SLAIN2: variants seen among roughly 807,000 people sequenced by gnomAD.
SLAIN2 encodes SLAIN family member 2, also known as SLAIN motif-containing protein 2.
Under a neutral mutation model 56.6 loss-of-function variants are expected in SLAIN2, and 31 were observed. The ratio of observed to expected loss-of-function variants is 0.55; its 90% CI spans 0.41 to 0.74. SLAIN2 has a LOEUF of 0.74. SLAIN2 is among the 30% of genes least tolerant of loss of function. The pLI, the probability that SLAIN2 is intolerant of heterozygous loss-of-function variation, is 0.00. For missense variants in SLAIN2, 777 were observed against 754.2 expected (o/e 1.03, Z -0.35); for synonymous variants, 317 against 284.9 (o/e 1.11, Z -1.13).
At chr4:48,403,080 C>A (rs927133606) in intron 6 of SLAIN2, among the ~76,000 whole-genome samples, 1 of 152,192 alleles carries the variant, frequency 6.6e-6, no homozygotes, top group Non-Finnish European at 1.5e-5. Context: ...GGCAGCCTGT[C>A]CCTTCCTCTG....
intron 6 of SLAIN2, among the ~76,000 whole-genome samples, chr4:48,395,810 C>CTTTTTTTTTTTTTTTTTTTTTTTTTTTT (rs10649464): frequency 1.4e-5 from 1 of 72,792 alleles, no homozygotes; most frequent in African/African-American, 6.8e-5. Flanking sequence ...GAACCTTAGG[C>CTTTTTTTTTTTTTTTTTTTTTTTTTTTT]TTTTTTTTTT....
At chr4:48,386,187 T>A (rs1716095374) in intron 6 of SLAIN2, among the ~76,000 whole-genome samples, 1 of 152,024 alleles carries the variant, frequency 6.6e-6, no homozygotes, top group African/African-American at 2.4e-5. Context: ...AAGGTGCATA[T>A]GATATTACTT....
chr4:48,377,915 A>G lies in SLAIN2; in HGVS notation c.558A>G (p.Leu186=), dbSNP rs1417617228. Residue 186 remains leucine (L), a synonymous_variant, in exon 3 of 8, where the codon TTA becomes TTG. Coordinates refer to ENST00000264313, the MANE Select transcript of SLAIN2 (RefSeq NM_020846.2). Reference sequence around the variant, plus strand: ...ATGCAGCTCTCAAGAGGCAGAATTTATATAATAATCCTTTCAACTCTATGA... The same window carrying G: ...ATGCAGCTCTCAAGAGGCAGAATTTGTATAATAATCCTTTCAACTCTATGA... ...QTMSALKRQN[L]YNNPFNSMSY... is the part of the protein sequence containing the mutation. 3.1e-6 allele frequency: 5 copies of G among 1,613,430 alleles called. No homozygotes were observed. The highest frequency in any genetic ancestry group is 2.7e-5 in the African/African-American group (2 of 74,910).
At chr4:48,387,614 T>C (rs1316634152) in intron 6 of SLAIN2, 2 of 152,020 alleles carry the variant, frequency 1.3e-5, no homozygotes, top group Admixed American at 1.3e-4. Flanking sequence ...ATGTCACATA[T>C]TTATTTTGGT....
Position 48,341,642 on chromosome 4 carries a change from G to T in SLAIN2, c.-98G>T. ...GGTCCTGCTATATGCCGGCGCCTCG[G>T]CTAGAGTGAGCGGCGGCGACGCCTC... On this transcript the variant is annotated 5_prime_UTR_variant, in exon 1 of 8. Coordinates refer to ENST00000264313, the MANE Select transcript of SLAIN2 (RefSeq NM_020846.2). 2 of 1,466,846 alleles carry T rather than the reference G, an allele frequency of 1.4e-6. No homozygotes were observed. 90.9% of individuals were successfully genotyped at this position (1,466,846 alleles called of 1,614,324 possible). A position where few individuals can be genotyped will look rare whatever the true frequency, so the allele number is the denominator to read the frequency against.
intron 2 of SLAIN2, among the ~76,000 whole-genome samples, chr4:48,370,325 A>G (rs1475054771): frequency 6.6e-6 from 1 of 152,218 alleles, no homozygotes; most frequent in East Asian, 1.9e-4. Flanking sequence ...AAATCCTCTC[A>G]CATTCCACTC....
intron 2 of SLAIN2, among the ~76,000 whole-genome samples, chr4:48,377,357 T>G (rs1057391327): frequency 6.7e-6 from 1 of 148,568 alleles, no homozygotes; most frequent in African/African-American, 2.5e-5. Context: ...TTTTTTTTTT[T>G]AAGTAGAGAC....
intron 2 of SLAIN2, among the ~76,000 whole-genome samples, chr4:48,376,543 C>T (rs1715816390): frequency 6.7e-6 from 1 of 149,450 alleles, no homozygotes; most frequent in Admixed American, 6.7e-5. Context: ...CTTAGTCCTA[C>T]TGTTGTACTA....
intron 2 of SLAIN2, among the ~76,000 whole-genome samples, chr4:48,372,874 T>C (rs1055042755): frequency 5.3e-5 from 8 of 152,170 alleles, no homozygotes; most frequent in African/African-American, 1.9e-4. Flanking sequence ...ATCCCCCATT[T>C]CCCAAGGAGA....
intron 6 of SLAIN2, among the ~76,000 whole-genome samples, chr4:48,388,769 A>G (rs1186694991): frequency 6.6e-6 from 1 of 152,270 alleles, no homozygotes; most frequent in Admixed American, 6.5e-5. Flanking sequence ...CTGTCAGACC[A>G]TGATTTGAGA....
At chr4:48,360,839 A>G (rs187418688) in intron 1 of SLAIN2, among the ~76,000 whole-genome samples, 95 of 152,280 alleles carry the variant, frequency 6.2e-4, no homozygotes, top group African/African-American at 2.1e-3. Context: ...TATTCTAGAC[A>G]TTCCATATCA....
chr4:48,354,027 T>A (rs1005073652), intron 1 of SLAIN2, among the ~76,000 whole-genome samples: 2 of 152,154 alleles, frequency 1.3e-5, no homozygotes, highest in African/African-American at 2.4e-5. Context: ...AGAAGCAGTT[T>A]AGAGCTCTGT....
chr4:48,379,970 A>G, intron 4 of SLAIN2, 122 bp downstream of exon 4: 1 of 902,778 alleles, frequency 1.1e-6, no homozygotes, highest in Non-Finnish European at 1.6e-6. Context: ...GTTGCAGTGG[A>G]CATTTCAGAG....
At chr4:48,414,624 T>C (rs1716951508) in intron 6 of SLAIN2, among the ~76,000 whole-genome samples, 2 of 139,234 alleles carry the variant, frequency 1.4e-5, no homozygotes, top group South Asian at 2.5e-4. Context: ...TAGTTACATA[T>C]GTATACATGT....
chr4:48,411,950 A>G (rs1716858110), intron 6 of SLAIN2, among the ~76,000 whole-genome samples: 2 of 152,086 alleles, frequency 1.3e-5, no homozygotes, highest in Non-Finnish European at 1.5e-5. Flanking sequence ...TATTGTAGCT[A>G]TTGTAAATGG....
At chr4:48,347,538 C>T (rs139154373) in intron 1 of SLAIN2, among the ~76,000 whole-genome samples, 5 of 152,314 alleles carry the variant, frequency 3.3e-5, no homozygotes, top group African/African-American at 9.6e-5. Flanking sequence ...CGTGAGCCAT[C>T]GTGCTCAGCT....
chr4:48,343,036 G>A (rs575271294), intron 1 of SLAIN2, among the ~76,000 whole-genome samples: 2 of 152,216 alleles, frequency 1.3e-5, no homozygotes, highest in African/African-American at 4.8e-5. Flanking sequence ...GCAATTATTT[G>A]TCTTAATTCA....
At chr4:48,414,203 G>A (rs1371763255) in intron 6 of SLAIN2, among the ~76,000 whole-genome samples, 1 of 152,128 alleles carries the variant, frequency 6.6e-6, no homozygotes, top group African/African-American at 2.4e-5. Flanking sequence ...TTCAAAAAGA[G>A]TAAAGAGAAA....
At position 48,341,775 on chromosome 4, in the gene SLAIN2, G is replaced by C. The variant is rs1171997214; in HGVS notation, c.36G>C (p.Gln12His). 6.5e-7 allele frequency: 1 copy of C among 1,530,818 alleles called. No homozygotes were observed. Among genetic ancestry groups the C allele is most frequent in the Non-Finnish European group, 8.8e-7 (1 of 1,138,848 alleles). 94.8% of individuals were successfully genotyped at this position (1,530,818 alleles called of 1,614,324 possible). A position where few individuals can be genotyped will look rare whatever the true frequency, so the allele number is the denominator to read the frequency against. The change falls in exon 1 of 8, where the codon CAG becomes CAC. Residue 12 changes from glutamine to histidine, a missense_variant. Coordinates refer to ENST00000264313, the MANE Select transcript of SLAIN2 (RefSeq NM_020846.2). ...EDVNSNVNAD[Q>H]EVRKLQELVK... ...TTAACTCCAACGTGAACGCGGACCAGGAGGTGCGGAAGCTGCAGGAGCTGG... is the reference window on the plus strand; with the variant it reads ...TTAACTCCAACGTGAACGCGGACCACGAGGTGCGGAAGCTGCAGGAGCTGG...
Sources: allele counts gnomAD v4.1 joint callset (sites outside exome capture counted in the v4.1 genomes callset), GRCh38; gene constraint gnomAD v4.1.1; transcripts MANE v1.5; gene names NCBI Gene and HGNC (gene_info 2026-07-23, HGNC 2026-07-21).